CSMD3: variants seen among roughly 807,000 people sequenced by gnomAD.
The protein encoded by CSMD3 is CUB and sushi domain-containing protein 3.
A neutral mutation model predicts 435.2 loss-of-function variants in CSMD3; 177 were observed. That is an observed-to-expected ratio of 0.41 (90% CI 0.36 to 0.46). CSMD3 has a LOEUF of 0.46. CSMD3 is among the 20% of genes least tolerant of loss of function. CSMD3 has a pLI of 0.34. For synonymous variants in CSMD3, 1,656 were observed against 1,520.5 expected, an observed-to-expected ratio of 1.09 and a Z score of -2.07; for missense variants, 4,265 against 4,504.6, an observed-to-expected ratio of 0.95 and a Z score of 1.52.
rs71281211 is a variant in CSMD3, at chr8:113,328,735, C to CTTTTTTTTTTTTTTTTTTTTTTTTTT, written c.179-13943_179-13942insAAAAAAAAAAAAAAAAAAAAAAAAAA. Among the ~76,000 whole-genome samples, 17 of 57,198 alleles carry CTTTTTTTTTTTTTTTTTTTTTTTTTT rather than the reference C, an allele frequency of 3.0e-4. 3 individuals are homozygous for CTTTTTTTTTTTTTTTTTTTTTTTTTT. The highest frequency in any genetic ancestry group is 1.9e-3 in the East Asian group (2 of 1,060). 37.5% of individuals were successfully genotyped at this position (57,198 alleles called of 152,430 possible). A position where few individuals can be genotyped will look rare whatever the true frequency, so the allele number is the denominator to read the frequency against. ...CTTTCTTTCTTTCCTTCCTTCTTTT[C>CTTTTTTTTTTTTTTTTTTTTTTTTTT]TTTTTTTTTTTTTTTTTTTTTTTTG... On this transcript the variant is annotated intron_variant, in intron 1 of 70. Transcript: ENST00000297405.
At chr8:113,329,815 A>C (rs1171970068) in intron 1 of CSMD3, among the ~76,000 whole-genome samples, 1 of 152,182 alleles carries the variant, frequency 6.6e-6, no homozygotes, top group African/African-American at 2.4e-5. Context: ...ATGAAACAAG[A>C]GAACGTTAAC....
chr8:113,354,669 CA>C (rs2094210208), intron 1 of CSMD3, among the ~76,000 whole-genome samples: 1 of 152,086 alleles, frequency 6.6e-6, no homozygotes, highest in Non-Finnish European at 1.5e-5. Context: ...AAACGGAGTC[CA>C]ACTCTGTTGC....
intron 5 of CSMD3, among the ~76,000 whole-genome samples, chr8:113,084,931 C>A (rs1163004704): frequency 1.3e-5 from 2 of 151,764 alleles, no homozygotes; most frequent in African/African-American, 4.8e-5. Context: ...TATAATTAGA[C>A]CCATATCTCT....
Position 113,098,821 on chromosome 8 carries a change from A to G in CSMD3, c.852T>C (p.Thr284=), listed in dbSNP as rs368442185. 153 of 1,612,638 alleles carry G rather than the reference A, an allele frequency of 9.5e-5. No homozygotes were observed. Among genetic ancestry groups the G allele is most frequent in the Admixed American group, 3.5e-4 (21 of 59,848 alleles). The change falls in exon 5 of 71, where the codon ACT becomes ACC. Residue 284 remains threonine, a synonymous_variant. Transcript: ENST00000297405. ...EPGDTISLIF[T]DFQMEEKYDY... ...CATATTTCTCTTCCATTTGAAAATCAGTAAATATGAGTGAAATTGTGTCCC... is the reference window on the plus strand; with the variant it reads ...CATATTTCTCTTCCATTTGAAAATCGGTAAATATGAGTGAAATTGTGTCCC...
chr8:112,493,560 A>C (rs1212991296), intron 30 of CSMD3, among the ~76,000 whole-genome samples: 1 of 152,130 alleles, frequency 6.6e-6, no homozygotes, highest in African/African-American at 2.4e-5. Context: ...GCAAAATCCA[A>C]ACCACAGTAT....
intron 3 of CSMD3, among the ~76,000 whole-genome samples, chr8:113,248,468 GA>G (rs1232212324): frequency 0.031 from 10 of 322 alleles, no homozygotes; most frequent in East Asian, 0.062. Flanking sequence ...GTGTGTGTGT[GA>G]TATATATGTA....
At chr8:112,350,389 G>T (rs1175095868) in intron 40 of CSMD3, among the ~76,000 whole-genome samples, 2 of 151,324 alleles carry the variant, frequency 1.3e-5, no homozygotes, top group Admixed American at 6.6e-5. Flanking sequence ...AACCTTGCAG[G>T]CTGAATATGT....
chr8:113,364,246 T>A (rs532676343), intron 1 of CSMD3, among the ~76,000 whole-genome samples: 1,498 of 144,926 alleles, frequency 0.01, 19 homozygotes, highest in Non-Finnish European at 0.015. Flanking sequence ...TAGACTAAAT[T>A]TTTTTTTTTT....
chr8:112,531,544 T>A (rs1825539453), intron 27 of CSMD3, among the ~76,000 whole-genome samples: 1 of 151,844 alleles, frequency 6.6e-6, no homozygotes, highest in African/African-American at 2.4e-5. Flanking sequence ...CGAAAGTGAG[T>A]GAAGGATCAT....
intron 70 of CSMD3, among the ~76,000 whole-genome samples, chr8:112,225,912 C>T (rs115259357): frequency 1.2e-3 from 183 of 152,166 alleles, no homozygotes; most frequent in African/African-American, 4.1e-3. Context: ...ATCTTTCCCA[C>T]GAAGCATGTA....
intron 17 of CSMD3, among the ~76,000 whole-genome samples, chr8:112,663,891 A>C (rs1240622895): frequency 6.6e-6 from 1 of 152,176 alleles, no homozygotes; most frequent in Non-Finnish European, 1.5e-5. Context: ...ATGTAGGTTG[A>C]TTCTGGAGAC....
chr8:113,277,225 A>G (rs2093578160), intron 3 of CSMD3, among the ~76,000 whole-genome samples: 1 of 152,022 alleles, frequency 6.6e-6, no homozygotes, highest in Admixed American at 6.6e-5. Flanking sequence ...GTTTTAAACT[A>G]TGAATTAAGT....
intron 9 of CSMD3, among the ~76,000 whole-genome samples, chr8:112,924,619 T>A (rs1425547749): frequency 1.3e-5 from 2 of 151,188 alleles, no homozygotes; most frequent in African/African-American, 2.4e-5. Flanking sequence ...TAATAATAAT[T>A]ATAATTATTA....
chr8:113,398,298 G>A (rs11991363), intron 1 of CSMD3, among the ~76,000 whole-genome samples: 2,806 of 151,886 alleles, frequency 0.018, 101 homozygotes, highest in African/African-American at 0.062. Context: ...ATTTAATGAC[G>A]TACCAGTCTT....
At chr8:112,371,575 T>A (rs1050684236) in intron 38 of CSMD3, among the ~76,000 whole-genome samples, 1 of 152,032 alleles carries the variant, frequency 6.6e-6, no homozygotes, top group African/African-American at 2.4e-5. Context: ...TCTTACTACA[T>A]CTGTGAGGTG....
Position 112,994,775 on chromosome 8 carries a change from C to G in CSMD3, c.1031-18627G>C, listed in dbSNP as rs77509946. 9.8e-4 allele frequency among the ~76,000 whole-genome samples: 148 copies of G among 151,500 alleles called. 1 individual carries two copies. The highest frequency in any genetic ancestry group is 3.5e-3 in the African/African-American group (143 of 41,416). On this transcript the variant is annotated intron_variant, in intron 6 of 70. Transcript: ENST00000297405. ...AGTGTAGCTCAGTGTTCATATGTGC[C>G]ATGTTTACTTATAAGTTAGAATACA...
At chr8:112,290,124 A>T (rs577207396) in intron 56 of CSMD3, among the ~76,000 whole-genome samples, 6 of 152,228 alleles carry the variant, frequency 3.9e-5, no homozygotes, top group African/African-American at 1.4e-4. Context: ...GTGGCTTATA[A>T]ACTAAAACTG....
intron 19 of CSMD3, among the ~76,000 whole-genome samples, chr8:112,647,492 A>G (rs1196284719): frequency 2.0e-5 from 3 of 152,036 alleles, no homozygotes; most frequent in African/African-American, 7.2e-5. Flanking sequence ...TATTTTTGGT[A>G]GAGACAGGTT....
chr8:113,224,010 A>C (rs1386238091), intron 3 of CSMD3, among the ~76,000 whole-genome samples: 1 of 151,214 alleles, frequency 6.6e-6, no homozygotes, highest in African/African-American at 2.4e-5. Flanking sequence ...TACAACATCT[A>C]ATCTTCAGTT....
Sources: gnomAD v4.1 joint callset for allele counts (sites outside exome capture counted in the v4.1 genomes callset) on GRCh38, gnomAD v4.1.1 for gene constraint, MANE v1.5 for transcripts, NCBI Gene and HGNC (gene_info 2026-07-23, HGNC 2026-07-21) for gene names.